Variants in HS6ST3 observed in about 807,000 individuals in gnomAD.
HS6ST3 encodes heparan-sulfate 6-O-sulfotransferase 3.
In HS6ST3, 12 loss-of-function variants were observed where a neutral mutation model predicts 36.7. The observed-to-expected ratio is 0.33, with a 90% confidence interval of 0.21 to 0.53. The LOEUF (loss-of-function observed/expected upper bound fraction) is 0.53. Among genes scored for constraint, HS6ST3 ranks in the 20% least tolerant of loss-of-function variants. The pLI, the probability that HS6ST3 is intolerant of heterozygous loss-of-function variation, is 0.95. For missense variants in HS6ST3, 584 were observed against 640.9 expected, an observed-to-expected ratio of 0.91 and a Z score of 0.96; for synonymous variants, 240 against 257.5, an observed-to-expected ratio of 0.93 and a Z score of 0.65.
chr13:96,121,887 C>G (rs1444394963), intron 1 of HS6ST3, among the ~76,000 whole-genome samples: 1 of 152,044 alleles, frequency 6.6e-6, no homozygotes, highest in Admixed American at 6.6e-5. Flanking sequence ...GTAATTTTTA[C>G]TCATATACTG....
chr13:96,198,356 A>AT (rs2054324940), intron 1 of HS6ST3, among the ~76,000 whole-genome samples: 1 of 152,172 alleles, frequency 6.6e-6, no homozygotes, highest in African/African-American at 2.4e-5. Flanking sequence ...CGGGATTAAC[A>AT]ATAAGCTCCT....
chr13:96,274,233 A>G (rs1026547927), intron 1 of HS6ST3, among the ~76,000 whole-genome samples: 2 of 151,622 alleles, frequency 1.3e-5, no homozygotes, highest in Non-Finnish European at 2.9e-5. Flanking sequence ...TCCATCATCA[A>G]AGAAGGACAG....
At chr13:96,093,295 A>T (rs2053773959) in intron 1 of HS6ST3, among the ~76,000 whole-genome samples, 1 of 152,180 alleles carries the variant, frequency 6.6e-6, no homozygotes. Flanking sequence ...TTAGAGGAGG[A>T]TGTGGAATCT....
At chr13:96,537,498 G>T (rs2056160525) in intron 1 of HS6ST3, among the ~76,000 whole-genome samples, 1 of 152,104 alleles carries the variant, frequency 6.6e-6, no homozygotes, top group South Asian at 2.1e-4. Context: ...CCCCTATTAG[G>T]CATTGATTTC....
At chr13:96,772,962 G>A (rs567165053) in intron 1 of HS6ST3, among the ~76,000 whole-genome samples, 30 of 152,272 alleles carry the variant, frequency 2.0e-4, no homozygotes, top group Non-Finnish European at 4.0e-4. Flanking sequence ...TCCCACTGAG[G>A]TACCCAGGTC....
rs532004555 is a variant in HS6ST3, at chr13:96,461,425, A to G, written c.707+369856A>G. ...TGAGCCTCTACTACATGCCAGAGAC[A>G]CAGTGGTGAGCTGAGGTATACATGT... On this transcript the variant is annotated intron_variant, in intron 1 of 1. Coordinates refer to ENST00000376705, the MANE Select transcript of HS6ST3 (RefSeq NM_153456.4). 3.3e-5 allele frequency among the ~76,000 whole-genome samples: 5 copies of G among 152,354 alleles called. No homozygotes were observed. In the East Asian group the frequency reaches 9.6e-4, roughly 29 times the overall value.
At chr13:96,585,213 A>G (rs1418476819) in intron 1 of HS6ST3, among the ~76,000 whole-genome samples, 1 of 152,158 alleles carries the variant, frequency 6.6e-6, no homozygotes, top group East Asian at 1.9e-4. Context: ...ACTTGGCACT[A>G]TTATAGAGGA....
At chr13:96,250,523 A>G (rs2182987) in intron 1 of HS6ST3, among the ~76,000 whole-genome samples, 90,128 of 152,010 alleles carry the variant, frequency 0.59, 26,942 homozygotes, top group Admixed American at 0.68. Flanking sequence ...CAATGCTTGC[A>G]GTCAACAGAA....
chr13:96,701,241 G>A (rs185763567), intron 1 of HS6ST3, among the ~76,000 whole-genome samples: 6 of 152,230 alleles, frequency 3.9e-5, no homozygotes, highest in Middle Eastern at 3.4e-3. Context: ...ATTAAAACCC[G>A]CCTTTCACTT....
At chr13:96,189,974 T>A (rs2054281592) in intron 1 of HS6ST3, among the ~76,000 whole-genome samples, 1 of 152,152 alleles carries the variant, frequency 6.6e-6, no homozygotes, top group African/African-American at 2.4e-5. Flanking sequence ...ACTCAGATCT[T>A]CTGAATCCAC....
chr13:96,660,644 A>G (rs1426246613), intron 1 of HS6ST3, among the ~76,000 whole-genome samples: 1 of 152,198 alleles, frequency 6.6e-6, no homozygotes, highest in African/African-American at 2.4e-5. Context: ...TGAAACAATA[A>G]CTATAATGTT....
At chr13:96,571,809 T>C (rs2056301965) in intron 1 of HS6ST3, among the ~76,000 whole-genome samples, 1 of 152,330 alleles carries the variant, frequency 6.6e-6, no homozygotes, top group South Asian at 2.1e-4. Context: ...TGTATATTTA[T>C]GCCTACCTCA....
rs2054185723 is a variant in HS6ST3 at position 96,171,103 on chromosome 13, A to T, written c.707+79534A>T. ...TGAAGCTATATTTTTGGTGAAGACC[A>T]CAAAATCCCATAATTTTAGAATCAG... On this transcript the variant is annotated intron_variant, in intron 1 of 1. Transcript: ENST00000376705. Among the ~76,000 whole-genome samples the T allele has an allele frequency of 2.0e-5, 3 of 152,276 alleles. No individual in the cohort carries two copies. In the South Asian group the frequency reaches 6.2e-4, roughly 31 times the overall value.
intron 1 of HS6ST3, among the ~76,000 whole-genome samples, chr13:96,831,557 A>C (rs183827815): frequency 1.3e-5 from 2 of 152,322 alleles, no homozygotes; most frequent in East Asian, 3.9e-4. Context: ...AGCATGTAGC[A>C]CAGTTCCTAA....
chr13:96,802,163 C>G (rs1045885248), intron 1 of HS6ST3, among the ~76,000 whole-genome samples: 1 of 152,148 alleles, frequency 6.6e-6, no homozygotes, highest in African/African-American at 2.4e-5. Context: ...AACTGGCTAC[C>G]TATACACCTG....
Position 96,466,021 on chromosome 13 carries a change from G to A in HS6ST3, c.708-366469G>A, listed in dbSNP as rs6491292. On this transcript the variant is annotated intron_variant, in intron 1 of 1. Transcript: ENST00000376705. Reference sequence around the variant, plus strand: ...TATCTTGTCCGGCACGGTGGCTCACGCCTGAAATCCCAGCGCTTTAGGAGG... The same window carrying A: ...TATCTTGTCCGGCACGGTGGCTCACACCTGAAATCCCAGCGCTTTAGGAGG... 3.9e-3 allele frequency among the ~76,000 whole-genome samples: 600 copies of A among 152,042 alleles called. 4 individuals are homozygous for A. Among genetic ancestry groups the A allele is most frequent in the African/African-American group, 0.014 (565 of 41,472 alleles).
intron 1 of HS6ST3, among the ~76,000 whole-genome samples, chr13:96,632,143 C>A (rs911876139): frequency 6.6e-6 from 1 of 151,962 alleles, no homozygotes; most frequent in Admixed American, 6.6e-5. Context: ...GTGACTTTGC[C>A]CCTTCATCTC....
intron 1 of HS6ST3, among the ~76,000 whole-genome samples, chr13:96,687,510 G>A (rs1874816492): frequency 1.3e-5 from 2 of 151,954 alleles, no homozygotes; most frequent in Admixed American, 6.6e-5. Context: ...TGGTATTTTA[G>A]ATTTGTAGGA....
chr13:96,407,989 G>A (rs2055487495), intron 1 of HS6ST3, among the ~76,000 whole-genome samples: 1 of 152,132 alleles, frequency 6.6e-6, no homozygotes, highest in Non-Finnish European at 1.5e-5. Context: ...TTGCCAGGCT[G>A]GAGTGCAGTG....
Sources: gnomAD v4.1 joint callset for allele counts (sites outside exome capture counted in the v4.1 genomes callset) on GRCh38, gnomAD v4.1.1 for gene constraint, MANE v1.5 for transcripts, NCBI Gene and HGNC (gene_info 2026-07-23, HGNC 2026-07-21) for gene names.